Variants in HMGN3 observed in about 807,000 individuals in gnomAD.
HMGN3 encodes the protein high mobility group nucleosomal binding domain 3.
In HMGN3, 6 loss-of-function variants were observed where a neutral mutation model predicts 18.8. That is an observed-to-expected ratio of 0.32 (90% CI 0.18 to 0.63). HMGN3 has a LOEUF of 0.63. Ranked by LOEUF, HMGN3 falls within the 30% of genes least tolerant of loss-of-function variation. HMGN3 has a pLI of 0.79. For missense variants in HMGN3, 107 were observed against 114.2 expected (o/e 0.94, Z 0.29); for synonymous variants, 40 against 36.5 (o/e 1.10, Z -0.35).
At chr6:79,203,628 T>G in exon 4 of HMGN3, 1 of 1,610,378 alleles carries the variant, frequency 6.2e-7, no homozygotes, top group Non-Finnish European at 8.5e-7. Context: ...GTGGAGCAGG[T>G]TTCTGCAAAG....
At chr6:79,231,444 C>T (rs1777831076) in intron 1 of HMGN3, among the ~76,000 whole-genome samples, 1 of 152,196 alleles carries the variant, frequency 6.6e-6, no homozygotes, top group Admixed American at 6.5e-5. Context: ...TTATTTACAT[C>T]TCACAAACTT....
At chr6:79,214,198 CTTTTTCTT>C (rs1471910560) in intron 2 of HMGN3, among the ~76,000 whole-genome samples, 1 of 148,730 alleles carries the variant, frequency 6.7e-6, no homozygotes, top group Non-Finnish European at 1.5e-5. Context: ...CTCTACAGTT[CTTTTTCTT>C]TTTTTTTTTT....
rs9448661 is a variant in HMGN3, at chr6:79,207,411, T to C, written c.96+1136A>G. 9.9e-3 allele frequency among the ~76,000 whole-genome samples: 1,502 copies of C among 152,260 alleles called. 14 individuals are homozygous for C. The highest frequency in any genetic ancestry group is 0.034 in the African/African-American group (1,409 of 41,548). ...TGGTGAGATCTGATGGTTTTAAAAA[T>C]GGGAGTTTCCCTGCAGAAGCTCTCT... On this transcript the variant is annotated intron_variant, in intron 3 of 5. Coordinates refer to ENST00000344726, the Ensembl canonical transcript of HMGN3.
intron 4 of HMGN3, among the ~76,000 whole-genome samples, chr6:79,203,067 T>C (rs1043006124): frequency 4.6e-5 from 7 of 152,316 alleles, no homozygotes; most frequent in Admixed American, 3.3e-4. Flanking sequence ...AGGATATTTG[T>C]ATCTACTTCA....
intron 2 of HMGN3, among the ~76,000 whole-genome samples, chr6:79,212,773 G>A (rs1776763001): frequency 6.6e-6 from 1 of 152,140 alleles, no homozygotes; most frequent in African/African-American, 2.4e-5. Context: ...ATTCACTAAA[G>A]TCAAGGTGGT....
intron 4 of HMGN3, among the ~76,000 whole-genome samples, chr6:79,203,205 T>G (rs932273024): frequency 3.3e-5 from 5 of 152,210 alleles, no homozygotes; most frequent in African/African-American, 9.6e-5. Context: ...CAGACTGGCC[T>G]GCGAAATCCA....
chr6:79,201,545 G>A (rs1776133898), exon 6 of HMGN3: 3 of 613,566 alleles, frequency 4.9e-6, no homozygotes, highest in Non-Finnish European at 8.7e-6. Flanking sequence ...ACTATGAGAC[G>A]ATAAAATGTC....
intron 2 of HMGN3, among the ~76,000 whole-genome samples, chr6:79,213,159 G>C (rs566119416): frequency 3.2e-4 from 49 of 152,100 alleles, no homozygotes; most frequent in African/African-American, 1.1e-3. Context: ...AGAATCACTT[G>C]AGCCAGGGAG....
Position 79,214,241 on chromosome 6 carries a change from A to G in HMGN3, c.66+731T>C, listed in dbSNP as rs1008489366. Among the ~76,000 whole-genome samples the G allele has an allele frequency of 2.4e-4, 34 of 143,798 alleles. No homozygotes were observed. In the East Asian group the frequency reaches 4.8e-3, roughly 20 times the overall value. 94.3% of individuals were successfully genotyped at this position (143,798 alleles called of 152,430 possible). A position where few individuals can be genotyped will look rare whatever the true frequency, so the allele number is the denominator to read the frequency against. On this transcript the variant is annotated intron_variant, in intron 2 of 5. Coordinates refer to ENST00000344726, the Ensembl canonical transcript of HMGN3. ...TTTTTAGAGTCTCTCTCGCTCTGTC[A>G]CCCAGGCTGGAGTGCAGTGGTGTGA...
intron 2 of HMGN3, among the ~76,000 whole-genome samples, chr6:79,213,137 G>A (rs995837838): frequency 6.6e-6 from 1 of 151,714 alleles, no homozygotes; most frequent in African/African-American, 2.4e-5. Context: ...GCCACTTGGA[G>A]GCTGAGATGG....
intron 1 of HMGN3, among the ~76,000 whole-genome samples, chr6:79,229,616 A>G (rs1007028385): frequency 1.3e-5 from 2 of 152,156 alleles, no homozygotes; most frequent in Non-Finnish European, 2.9e-5. Context: ...CGTGGCTCAC[A>G]CCTGTAATCC....
chr6:79,212,305 T>A (rs1226240765), intron 2 of HMGN3, among the ~76,000 whole-genome samples: 1 of 152,210 alleles, frequency 6.6e-6, no homozygotes, highest in Admixed American at 6.5e-5. Context: ...TTGCTCTAGT[T>A]AAAATAGGGA....
chr6:79,211,178 A>G (rs1352522054), intron 2 of HMGN3, among the ~76,000 whole-genome samples: 1 of 152,156 alleles, frequency 6.6e-6, no homozygotes, highest in African/African-American at 2.4e-5. Context: ...TCCAGTAGCT[A>G]TCATAAGAGA....
intron 3 of HMGN3, among the ~76,000 whole-genome samples, chr6:79,206,020 T>C (rs1160551200): frequency 1.3e-5 from 2 of 152,086 alleles, no homozygotes; most frequent in African/African-American, 4.8e-5. Flanking sequence ...AGAGATGATT[T>C]AGGGTATCTG....
At chr6:79,216,809 C>T (rs1165990807) in intron 1 of HMGN3, among the ~76,000 whole-genome samples, 1 of 152,150 alleles carries the variant, frequency 6.6e-6, no homozygotes, top group East Asian at 1.9e-4. Flanking sequence ...GCTACAAACT[C>T]AACCCTTCTG....
chr6:79,221,834 A>T (rs902462465), intron 1 of HMGN3, among the ~76,000 whole-genome samples: 2 of 143,472 alleles, frequency 1.4e-5, no homozygotes, highest in Non-Finnish European at 3.1e-5. Context: ...CAGGATTTTC[A>T]GCACAGTGTT....
At chr6:79,210,765 T>G (rs77020613) in intron 2 of HMGN3, among the ~76,000 whole-genome samples, 450 of 152,126 alleles carry the variant, frequency 3.0e-3, no homozygotes, top group Non-Finnish European at 4.2e-3. Context: ...AAAATCTCCA[T>G]GAAGTGAGGC....
chr6:79,213,515 C>T (rs1776804576), intron 2 of HMGN3, among the ~76,000 whole-genome samples: 1 of 152,090 alleles, frequency 6.6e-6, no homozygotes, highest in African/African-American at 2.4e-5. Context: ...TATACTTAGC[C>T]AACTGTTCTA....
intron 1 of HMGN3, among the ~76,000 whole-genome samples, chr6:79,231,961 T>C (rs895579864): frequency 3.9e-5 from 6 of 152,164 alleles, no homozygotes; most frequent in African/African-American, 1.4e-4. Flanking sequence ...ATTCCAGATG[T>C]TTTCATTGAC....
Sources: allele counts gnomAD v4.1 joint callset (sites outside exome capture counted in the v4.1 genomes callset), GRCh38; gene constraint gnomAD v4.1.1; transcripts MANE v1.5; gene names NCBI Gene and HGNC (gene_info 2026-07-23, HGNC 2026-07-21).